CACNA2D3: variants seen among roughly 807,000 people sequenced by gnomAD.
CACNA2D3 encodes voltage-dependent calcium channel subunit alpha-2/delta-3.
Under a neutral mutation model 160.6 loss-of-function variants are expected in CACNA2D3, and 60 were observed. The observed-to-expected ratio is 0.37, with a 90% CI of 0.30 to 0.46. CACNA2D3 has a LOEUF of 0.46. CACNA2D3 is among the 20% of genes least tolerant of loss of function. The pLI is 1.00. For missense variants in CACNA2D3, 1,205 were observed against 1,365.0 expected, an observed-to-expected ratio of 0.88 and a Z score of 1.85; for synonymous variants, 558 against 492.9, an observed-to-expected ratio of 1.13 and a Z score of -1.75.
intron 2 of CACNA2D3, among the ~76,000 whole-genome samples, chr3:54,266,525 G>A (rs1001502278): frequency 1.3e-5 from 2 of 152,136 alleles, no homozygotes; most frequent in African/African-American, 2.4e-5. Context: ...TGTTGCATGG[G>A]TATCTTAGGA....
At chr3:54,807,385 G>A (rs550827778) in intron 13 of CACNA2D3, among the ~76,000 whole-genome samples, 169 of 152,254 alleles carry the variant, frequency 1.1e-3, no homozygotes, top group Non-Finnish European at 1.9e-3. Context: ...CCATCAAAAA[G>A]TGGGCGAAGG....
intron 2 of CACNA2D3, among the ~76,000 whole-genome samples, chr3:54,228,501 G>T (rs553118116): frequency 3.8e-4 from 58 of 152,298 alleles, no homozygotes; most frequent in African/African-American, 1.3e-3. Flanking sequence ...ACTGTGGTGG[G>T]AACATGGGCC....
intron 13 of CACNA2D3, among the ~76,000 whole-genome samples, chr3:54,804,743 C>T (rs541182943): frequency 3.2e-4 from 48 of 152,270 alleles, no homozygotes; most frequent in African/African-American, 1.1e-3. Flanking sequence ...ATCCACAGAA[C>T]ATACATTTTT....
chr3:54,508,800 A>G (rs1575494932), intron 5 of CACNA2D3, among the ~76,000 whole-genome samples: 3 of 152,294 alleles, frequency 2.0e-5, no homozygotes, highest in East Asian at 3.9e-4. Flanking sequence ...GCAAAGCTAC[A>G]TTGTGCTCAG....
intron 4 of CACNA2D3, among the ~76,000 whole-genome samples, chr3:54,477,355 C>T (rs908995414): frequency 3.3e-5 from 5 of 151,806 alleles, no homozygotes; most frequent in African/African-American, 7.3e-5. Flanking sequence ...CCATGCATTG[C>T]GAATCTAGGA....
In CACNA2D3 at chr3:54,733,059, G is replaced by A. The variant is rs572470315; in HGVS notation, c.1168-19540G>A. 2.6e-5 allele frequency among the ~76,000 whole-genome samples: 4 copies of A among 152,292 alleles called. No individual in the cohort carries two copies. The East Asian group carries it at 5.8e-4, about 22-fold the overall frequency. ...GTAATGCTTTGGCATCTGTCCTAGCGAGAAGTCATTTGGTAGAAACCTCAT... is the reference window on the plus strand; with the variant it reads ...GTAATGCTTTGGCATCTGTCCTAGCAAGAAGTCATTTGGTAGAAACCTCAT... On this transcript the variant is annotated intron_variant, in intron 11 of 37. Coordinates refer to ENST00000474759, the MANE Select transcript of CACNA2D3 (RefSeq NM_018398.3).
intron 12 of CACNA2D3, among the ~76,000 whole-genome samples, chr3:54,756,821 G>C (rs1441870544): frequency 6.6e-6 from 1 of 152,134 alleles, no homozygotes; most frequent in Non-Finnish European, 1.5e-5. Context: ...AATGTCTGGG[G>C]ACATTCGTAC....
chr3:54,305,582 G>C (rs1280789099), intron 2 of CACNA2D3, among the ~76,000 whole-genome samples: 1 of 152,234 alleles, frequency 6.6e-6, no homozygotes, highest in Non-Finnish European at 1.5e-5. Context: ...GGATGACTTA[G>C]TGACATAGAC....
chr3:54,442,557 C>T (rs1177650470), intron 4 of CACNA2D3, among the ~76,000 whole-genome samples: 1 of 152,170 alleles, frequency 6.6e-6, no homozygotes, highest in East Asian at 1.9e-4. Context: ...AAACAAAGAT[C>T]TTACTTGTTT....
chr3:54,732,117 G>A (rs1185158410), intron 11 of CACNA2D3, among the ~76,000 whole-genome samples: 3 of 152,172 alleles, frequency 2.0e-5, no homozygotes, highest in African/African-American at 4.8e-5. Flanking sequence ...TTTAGGCTAC[G>A]TGTTTAAGGG....
chr3:54,474,967 A>G (rs2106883411), intron 4 of CACNA2D3, among the ~76,000 whole-genome samples: 1 of 152,276 alleles, frequency 6.6e-6, no homozygotes, highest in East Asian at 1.9e-4. Flanking sequence ...TTTTATAGCC[A>G]CTAGTCTTTT....
intron 11 of CACNA2D3, among the ~76,000 whole-genome samples, chr3:54,700,361 G>A (rs1376040562): frequency 6.6e-6 from 1 of 152,106 alleles, no homozygotes; most frequent in Non-Finnish European, 1.5e-5. Flanking sequence ...CCAACATGGT[G>A]GCCATCAGCC....
At chr3:54,796,005 C>T (rs527623229) in intron 13 of CACNA2D3, among the ~76,000 whole-genome samples, 1 of 152,260 alleles carries the variant, frequency 6.6e-6, no homozygotes, top group South Asian at 2.1e-4. Flanking sequence ...AGAGAATCAG[C>T]AATCCCAGCA....
intron 4 of CACNA2D3, among the ~76,000 whole-genome samples, chr3:54,465,442 C>G (rs915665546): frequency 1.3e-5 from 2 of 152,040 alleles, no homozygotes; most frequent in African/African-American, 2.4e-5. Context: ...ATAAATTAAA[C>G]TTTATTATAT....
At chr3:54,204,250 A>G (rs991761831) in intron 2 of CACNA2D3, among the ~76,000 whole-genome samples, 1 of 152,122 alleles carries the variant, frequency 6.6e-6, no homozygotes, top group Non-Finnish European at 1.5e-5. Context: ...CACATGAGCC[A>G]ATTCCTCATA....
intron 27 of CACNA2D3, among the ~76,000 whole-genome samples, chr3:54,944,781 T>C (rs911599283): frequency 2.6e-5 from 4 of 152,100 alleles, no homozygotes; most frequent in Admixed American, 2.0e-4. Flanking sequence ...ACTTCTTTTA[T>C]CTCTGAATAT....
intron 11 of CACNA2D3, among the ~76,000 whole-genome samples, chr3:54,739,896 C>T (rs1701614761): frequency 6.6e-6 from 1 of 151,550 alleles, no homozygotes; most frequent in Non-Finnish European, 1.5e-5. Flanking sequence ...CTTTGCCTTC[C>T]CCATTCTATA....
intron 11 of CACNA2D3, among the ~76,000 whole-genome samples, chr3:54,731,371 C>T (rs997090332): frequency 6.6e-6 from 1 of 152,200 alleles, no homozygotes; most frequent in African/African-American, 2.4e-5. Context: ...TTCTCATTCA[C>T]TAGGTTCTTC....
intron 2 of CACNA2D3, among the ~76,000 whole-genome samples, chr3:54,176,928 A>G (rs1003603067): frequency 6.6e-6 from 1 of 152,134 alleles, no homozygotes; most frequent in Non-Finnish European, 1.5e-5. Flanking sequence ...GTCAAAAGTT[A>G]GAAGGGCCTT....
Sources: allele counts gnomAD v4.1 joint callset (sites outside exome capture counted in the v4.1 genomes callset), GRCh38; gene constraint gnomAD v4.1.1; transcripts MANE v1.5; gene names NCBI Gene and HGNC (gene_info 2026-07-23, HGNC 2026-07-21).